Variants in BRF1 observed in about 807,000 individuals in gnomAD.
The protein encoded by BRF1 is transcription factor IIIB 90 kDa subunit.
BRF1 carries 59 observed loss-of-function variants against 81.7 expected under a neutral mutation model. The observed-to-expected ratio is 0.72, with a 90% confidence interval of 0.59 to 0.90. The LOEUF is 0.90. Ranked by LOEUF, BRF1 falls within the 40% of genes least tolerant of loss-of-function variation. The probability of loss-of-function intolerance (pLI) is 0.00; values close to 1 mark genes in which losing one functional copy is unlikely to be tolerated. For missense variants in BRF1, 1,050 were observed against 936.3 expected (o/e 1.12, Z -1.58); for synonymous variants, 491 against 395.6 (o/e 1.24, Z -2.86).
chr14:105,289,177 T>C (rs760208299), intron 1 of BRF1, among the ~76,000 whole-genome samples: 88 of 150,536 alleles, frequency 5.8e-4, no homozygotes, highest in Non-Finnish European at 1.1e-3. Flanking sequence ...CAAGATCCCA[T>C]CTCTACAAAA....
chr14:105,263,122 A>G (rs2056232201), intron 3 of BRF1, among the ~76,000 whole-genome samples: 1 of 151,534 alleles, frequency 6.6e-6, no homozygotes, highest in East Asian at 1.9e-4. Context: ...CTATAATCCC[A>G]GCTACTCGGG....
At chr14:105,254,295 C>T (rs2055760148) in intron 4 of BRF1, among the ~76,000 whole-genome samples, 1 of 152,174 alleles carries the variant, frequency 6.6e-6, no homozygotes, top group South Asian at 2.1e-4. Context: ...CTTGCTCTGT[C>T]GCCCAGGCTG....
intron 3 of BRF1, among the ~76,000 whole-genome samples, chr14:105,260,478 T>C (rs2056099116): frequency 6.6e-6 from 1 of 151,994 alleles, no homozygotes; most frequent in Non-Finnish European, 1.5e-5. Context: ...TTCAAGCGAT[T>C]CTCCTGCCTC....
upstream of BRF1, chr14:105,301,334 TC>T (rs2058015854): frequency 6.9e-6 from 1 of 144,484 alleles, no homozygotes; most frequent in Admixed American, 6.9e-5. Flanking sequence ...GGGCGGGGCC[TC>T]CCGTGGAGAG....
At chr14:105,263,234 C>CAAAAAAAA (rs760613469) in intron 3 of BRF1, among the ~76,000 whole-genome samples, 5 of 83,536 alleles carry the variant, frequency 6.0e-5, no homozygotes, top group African/African-American at 1.5e-4. Context: ...AAGACTCCAT[C>CAAAAAAAA]AAAAAAAAAA....
intron 6 of BRF1, among the ~76,000 whole-genome samples, chr14:105,229,184 A>G (rs1298088313): frequency 6.6e-6 from 1 of 152,214 alleles, no homozygotes; most frequent in Non-Finnish European, 1.5e-5. Flanking sequence ...AATCCCTCAA[A>G]GCAAACAAAC....
chr14:105,274,513 C>T (rs1450835189), intron 2 of BRF1, among the ~76,000 whole-genome samples: 1 of 152,158 alleles, frequency 6.6e-6, no homozygotes, highest in Non-Finnish European at 1.5e-5. Context: ...GAGGCCACTG[C>T]GCCCTCCTAG....
intron 2 of BRF1, 94 bp downstream of exon 2, chr14:105,286,202 G>C (rs2057308475): frequency 7.6e-7 from 1 of 1,324,422 alleles, no homozygotes; most frequent in South Asian, 1.3e-5. Context: ...CAGGCCATGA[G>C]GTCCATGGCT....
intron 5 of BRF1, among the ~76,000 whole-genome samples, chr14:105,243,512 G>C (rs1396195356): frequency 1.3e-5 from 2 of 151,602 alleles, no homozygotes; most frequent in Non-Finnish European, 2.9e-5. Flanking sequence ...CAGCTACTGA[G>C]GAGGCTGAGG....
chr14:105,280,422 A>G (rs1050072629), intron 2 of BRF1, among the ~76,000 whole-genome samples: 4 of 152,198 alleles, frequency 2.6e-5, no homozygotes, highest in Non-Finnish European at 4.4e-5. Context: ...CTCTGAAAGC[A>G]CTCTGTATGA....
At chr14:105,218,434 G>A (rs757312077) in intron 14 of BRF1, among the ~76,000 whole-genome samples, 11 of 152,182 alleles carry the variant, frequency 7.2e-5, no homozygotes, top group Non-Finnish European at 1.2e-4. Flanking sequence ...CCTGCTGAGC[G>A]GGTAGGCCCC....
chr14:105,250,551 A>G, intron 5 of BRF1: 1 of 1,614,098 alleles, frequency 6.2e-7, no homozygotes, highest in Non-Finnish European at 8.5e-7. Context: ...TACTTTGGGC[A>G]GGAGGGGATG....
At chr14:105,273,066 T>C (rs2056728108) in intron 2 of BRF1, among the ~76,000 whole-genome samples, 172 bp from the exon 3 acceptor site, 1 of 152,248 alleles carries the variant, frequency 6.6e-6, no homozygotes, top group Non-Finnish European at 1.5e-5. Flanking sequence ...GACACTGAAA[T>C]GTGAATTTTC....
chr14:105,218,300 C>T (rs1009963145), intron 14 of BRF1, among the ~76,000 whole-genome samples: 2 of 152,172 alleles, frequency 1.3e-5, no homozygotes, highest in African/African-American at 4.8e-5. Flanking sequence ...AATCAGCCTG[C>T]ACCACCCCTG....
intron 5 of BRF1, chr14:105,249,688 C>T (rs780319743): frequency 3.7e-6 from 6 of 1,613,654 alleles, no homozygotes; most frequent in Non-Finnish European, 3.4e-6. Flanking sequence ...CGGTGCTGGC[C>T]ACTCTGTACG....
At chr14:105,265,476 G>C (rs1295456523) in intron 3 of BRF1, among the ~76,000 whole-genome samples, 1 of 152,208 alleles carries the variant, frequency 6.6e-6, no homozygotes, top group Non-Finnish European at 1.5e-5. Flanking sequence ...AGTGGGCCGG[G>C]TGCAGTGGTT....
intron 1 of BRF1, among the ~76,000 whole-genome samples, chr14:105,313,243 C>T (rs1422858985): frequency 1.3e-5 from 2 of 152,252 alleles, no homozygotes; most frequent in East Asian, 3.8e-4. Context: ...GCCGTACGCT[C>T]AGTTCTGGGG....
At chr14:105,264,250 A>T (rs1171033004) in intron 3 of BRF1, among the ~76,000 whole-genome samples, 1 of 151,966 alleles carries the variant, frequency 6.6e-6, no homozygotes, top group Non-Finnish European at 1.5e-5. Context: ...GCAGGAGAAT[A>T]GCTTCTGCCC....
chr14:105,229,533 G>T (rs144710818), intron 6 of BRF1, among the ~76,000 whole-genome samples: 1 of 152,214 alleles, frequency 6.6e-6, no homozygotes, highest in Non-Finnish European at 1.5e-5. Flanking sequence ...TAGTTGACCA[G>T]GCCACGGCCA....
Sources: gnomAD v4.1 joint callset for allele counts (sites outside exome capture counted in the v4.1 genomes callset) on GRCh38, gnomAD v4.1.1 for gene constraint, MANE v1.5 for transcripts, NCBI Gene and HGNC (gene_info 2026-07-23, HGNC 2026-07-21) for gene names.